SLAMF7: variants seen among roughly 807,000 people sequenced by gnomAD.
SLAMF7 encodes the protein SLAM family member 7, also known as 19A24 protein.
Under a neutral mutation model 34.1 loss-of-function variants are expected in SLAMF7, and 26 were observed. The observed-to-expected ratio is 0.76, with a 90% CI of 0.56 to 1.06. SLAMF7 has a LOEUF of 1.06. Ranked by LOEUF, SLAMF7 falls within the 50% of genes least tolerant of loss-of-function variation. SLAMF7 has a pLI of 0.00. For synonymous variants in SLAMF7, 171 were observed against 156.4 expected, an observed-to-expected ratio of 1.09 and a Z score of -0.70; for missense variants, 399 against 402.5, an observed-to-expected ratio of 0.99 and a Z score of 0.07.
chr1:160,748,234 C>A lies in SLAMF7; in HGVS notation c.96C>A (p.Ser32=), dbSNP rs565752890. The change falls in exon 2 of 7, where the codon TCC becomes TCA. Residue 32 remains serine, a synonymous_variant. Transcript: ENST00000368043. ...ASGPVKELVG[S]VGGAVTFPLK... ...GACCCGTGAAAGAGCTGGTCGGTTC[C>A]GTTGGTGGGGCCGTGACTTTCCCCC... The A allele has an allele frequency of 1.9e-6, 3 of 1,613,884 alleles. No homozygotes were observed. Among genetic ancestry groups the A allele is most frequent in the Non-Finnish European group, 2.5e-6 (3 of 1,179,934 alleles).
Position 160,748,473 on chromosome 1 carries a change from T to C in SLAMF7, c.335T>C (p.Leu112Pro). Reference protein sequence around the residue: ...IYYVGIYSSSLQQPSTQEYVL... With the variant: ...IYYVGIYSSSPQQPSTQEYVL... Reference sequence around the variant, plus strand: ...TATGTGGGGATATACAGCTCATCACTCCAGCAGCCCTCCACCCAGGAGTAC... The same window carrying C: ...TATGTGGGGATATACAGCTCATCACCCCAGCAGCCCTCCACCCAGGAGTAC... The change falls in exon 2 of 7, where the codon CTC (leucine) becomes CCC (proline). Residue 112 changes from leucine (L) to proline (P), a missense_variant. By Grantham distance (98) the Leu-to-Pro change is moderately conservative. Coordinates refer to ENST00000368043, the MANE Select transcript of SLAMF7 (RefSeq NM_021181.5). The C allele has an allele frequency of 6.2e-7, 1 of 1,613,978 alleles. No individual in the cohort carries two copies. Among genetic ancestry groups the C allele is most frequent in the Non-Finnish European group, 8.5e-7 (1 of 1,179,890 alleles).
At chr1:160,751,553 G>A (rs1340490238) in intron 5 of SLAMF7, 105 bp downstream of exon 5, 4 of 867,640 alleles carry the variant, frequency 4.6e-6, no homozygotes, top group Admixed American at 4.0e-5. Context: ...AGGGGAGTGA[G>A]GATATATAGA....
intron 1 of SLAMF7, among the ~76,000 whole-genome samples, chr1:160,743,626 G>C (rs895819841): frequency 6.6e-6 from 1 of 152,232 alleles, no homozygotes; most frequent in South Asian, 2.1e-4. Flanking sequence ...CAGGTAGAAG[G>C]TTGGCACCTG....
Position 160,753,163 on chromosome 1 carries a change from G to C in SLAMF7, c.994G>C (p.Glu332Gln), listed in dbSNP as rs1198762741. ...AGACACACCAAGGCTATTTGCCTATGAGAATGTTATCTAGACAGCAGTGCA... is the reference window on the plus strand; with the variant it reads ...AGACACACCAAGGCTATTTGCCTATCAGAATGTTATCTAGACAGCAGTGCA... ...MPDTPRLFAY[E>Q]NVI Residue 332 changes from glutamate (E) to glutamine (Q), a missense_variant, in exon 7 of 7, where the codon GAG (glutamate) becomes CAG (glutamine). Glu to Gln is a conservative substitution (Grantham distance 29, BLOSUM62 2). Coordinates refer to ENST00000368043, the MANE Select transcript of SLAMF7 (RefSeq NM_021181.5). 6.2e-7 allele frequency: 1 copy of C among 1,612,812 alleles called. No homozygotes were observed. Among genetic ancestry groups the C allele is most frequent in the Non-Finnish European group, 8.5e-7 (1 of 1,179,796 alleles).
chr1:160,740,283 TA>T (rs66898718), intron 1 of SLAMF7, among the ~76,000 whole-genome samples: 102,264 of 141,556 alleles, frequency 0.72, 36,551 homozygotes, highest in East Asian at 0.85. Context: ...GCCCTCACTT[TA>T]AAAAAAAAAA....
At chr1:160,742,759 C>T (rs1270769664) in intron 1 of SLAMF7, among the ~76,000 whole-genome samples, 1 of 152,232 alleles carries the variant, frequency 6.6e-6, no homozygotes, top group African/African-American at 2.4e-5. Context: ...CCTCTTCCAA[C>T]ATTTCTTCAT....
At chr1:160,752,333 G>C (rs1050555719) in intron 6 of SLAMF7, 85 bp downstream of exon 6, 14 of 1,051,772 alleles carry the variant, frequency 1.3e-5, no homozygotes, top group Non-Finnish European at 2.0e-5. Flanking sequence ...CTTGGACCCA[G>C]GTATCTCATA....
intron 1 of SLAMF7, among the ~76,000 whole-genome samples, chr1:160,742,104 T>A (rs1663795420): frequency 6.6e-6 from 1 of 152,114 alleles, no homozygotes; most frequent in Non-Finnish European, 1.5e-5. Context: ...CTGGCTGCAC[T>A]GATAATGTAT....
Position 160,739,304 on chromosome 1 carries a change from GGCT to G in SLAMF7, c.5_7del (p.Ala2del), listed in dbSNP as rs1663540655. On this transcript the variant is annotated inframe_deletion, in exon 1 of 7. Transcript: ENST00000368043. ...GTGGCTGACTTCCAGAGAGCAATATGGCTGGTTCCCCAACATGCCTCACCCTCA... is the reference window on the plus strand; with the variant it reads ...GTGGCTGACTTCCAGAGAGCAATATGGGTTCCCCAACATGCCTCACCCTCA... The G allele has an allele frequency of 3.1e-6, 5 of 1,613,828 alleles. No individual in the cohort carries two copies. Among genetic ancestry groups the G allele is most frequent in the Non-Finnish European group, 4.2e-6 (5 of 1,179,890 alleles).
rs185395444 is a variant in SLAMF7, at chr1:160,742,678, C to T, written c.55+3322C>T. 4.8e-4 allele frequency among the ~76,000 whole-genome samples: 73 copies of T among 152,318 alleles called. 2 individuals are homozygous for T. The highest frequency in any genetic ancestry group is 3.1e-3 in the Admixed American group (48 of 15,304). ...GTATGAGGGTTCAGAAACCAAAACT[C>T]GAAGTGGTAAGTGGTGAAGCAATAT... On this transcript the variant is annotated intron_variant, in intron 1 of 6. Coordinates refer to ENST00000368043, the MANE Select transcript of SLAMF7 (RefSeq NM_021181.5).
At position 160,751,816 on chromosome 1, in the gene SLAMF7, ATCTCTC is replaced by A. The variant is rs71090324; in HGVS notation, c.874-328_874-323del. 7.5e-3 allele frequency: 637 copies of A among 84,436 alleles called. 14 individuals carry two copies. Among genetic ancestry groups the A allele is most frequent in the African/African-American group, 0.014 (312 of 21,836 alleles). 5.2% of individuals were successfully genotyped at this position (84,436 alleles called of 1,614,324 possible). A position where few individuals can be genotyped will look rare whatever the true frequency, so the allele number is the denominator to read the frequency against. On this transcript the variant is annotated intron_variant, in intron 5 of 6. Coordinates refer to ENST00000368043, the MANE Select transcript of SLAMF7 (RefSeq NM_021181.5). ...ATGGTATCAGAAGACTTCTCTAGAG[ATCTCTC>A]TCTCTCTCTCTCTCTCTCTCTCTCT... is the stretch of plus-strand genomic sequence containing the variant.
At chr1:160,747,585 AAAGACAATCACTCTGAGGC>A (rs1419405429) in intron 1 of SLAMF7, among the ~76,000 whole-genome samples, 1 of 152,166 alleles carries the variant, frequency 6.6e-6, no homozygotes, top group Admixed American at 6.5e-5. Context: ...GAGGCTGAAG[AAAGACAATCACTCTGAGGC>A]AAGACAATCA....
rs533248649 is a variant in SLAMF7, at chr1:160,746,053, G to T, written c.56-2141G>T. Among the ~76,000 whole-genome samples, 7 of 152,278 alleles carry T rather than the reference G, an allele frequency of 4.6e-5. No individual in the cohort carries two copies. The South Asian group carries it at 1.4e-3, about 32-fold the overall frequency. On this transcript the variant is annotated intron_variant, in intron 1 of 6. Transcript: ENST00000368043. ...CAGTACTGGAGTAGAAGAAAAGATTGTGTCTAAGAGAGCAGGCTGTGAAAT... is the reference window on the plus strand; with the variant it reads ...CAGTACTGGAGTAGAAGAAAAGATTTTGTCTAAGAGAGCAGGCTGTGAAAT...
rs1284093295 is a variant in SLAMF7, at chr1:160,750,356, G to A, written c.702G>A (p.Val234=). The change falls in exon 4 of 7, where the codon GTG becomes GTA. Residue 234 remains valine, a synonymous_variant. Coordinates refer to ENST00000368043, the MANE Select transcript of SLAMF7 (RefSeq NM_021181.5). The part of the protein sequence containing the change: ...SSMVLLCLLL[V]PLLLSLFVLG... ...TGGTCCTCCTGTGTCTCCTGTTGGT[G>A]CCCCTCCTGCTCAGTCTCTTTGTAC... The A allele has an allele frequency of 2.5e-6, 4 of 1,614,114 alleles. No individual in the cohort carries two copies. Among genetic ancestry groups the A allele is most frequent in the African/African-American group, 2.7e-5 (2 of 75,044 alleles).
In SLAMF7 at chr1:160,753,463, A is replaced by G. The variant is rs1664795132; in HGVS notation, c.*286A>G. The stretch of plus-strand genomic sequence containing the variant: ...AAAAAAAGTGCTTAGAAGTATTCCT[A>G]TAAAAATGTAAATGCAAGGTCACAC... On this transcript the variant is annotated 3_prime_UTR_variant, in exon 7 of 7. Transcript: ENST00000368043. 1.4e-5 allele frequency: 6 copies of G among 440,592 alleles called. No homozygotes were observed. In the East Asian group the frequency reaches 2.0e-4, roughly 15 times the overall value. 27.3% of individuals were successfully genotyped at this position (440,592 alleles called of 1,614,324 possible).
chr1:160,748,152 G>T (rs1381560242), intron 1 of SLAMF7, 42 bp from the exon 2 acceptor site: 8 of 1,586,270 alleles, frequency 5.0e-6, no homozygotes, highest in Non-Finnish European at 5.2e-6. Context: ...TGGTGACAAG[G>T]ACAGGGAATC....
At chr1:160,742,051 C>T (rs1419767771) in intron 1 of SLAMF7, among the ~76,000 whole-genome samples, 2 of 152,062 alleles carry the variant, frequency 1.3e-5, no homozygotes, top group African/African-American at 4.8e-5. Context: ...TTTCCACTCT[C>T]CCCTCCCCCA....
intron 5 of SLAMF7, chr1:160,751,694 C>T: frequency 2.3e-6 from 1 of 431,982 alleles, no homozygotes; most frequent in Non-Finnish European, 4.2e-6. Context: ...AAATCACCTG[C>T]TCCCCTCCAC....
At chr1:160,751,670 T>C (rs2101682882) in intron 5 of SLAMF7, 2 of 481,672 alleles carry the variant, frequency 4.2e-6, no homozygotes, top group East Asian at 7.3e-5. Flanking sequence ...ACAATGCTCA[T>C]GCTGTGGTCT....
Sources: gnomAD v4.1 joint callset for allele counts (sites outside exome capture counted in the v4.1 genomes callset) on GRCh38, gnomAD v4.1.1 for gene constraint, MANE v1.5 for transcripts, NCBI Gene and HGNC (gene_info 2026-07-23, HGNC 2026-07-21) for gene names.